Variants in FHIT observed in about 807,000 individuals in gnomAD.
FHIT encodes the protein fragile histidine triad diadenosine triphosphatase, also known as bis(5'-adenosyl)-triphosphatase.
Under a neutral mutation model 17.9 loss-of-function variants are expected in FHIT, and 19 were observed. The ratio of observed to expected loss-of-function variants is 1.06; its 90% CI spans 0.74 to 1.56. The LOEUF is 1.56. Ranked by LOEUF, FHIT falls within the 40% of genes most tolerant of loss-of-function variation. FHIT has a pLI of 0.00. For synonymous variants in FHIT, 81 were observed against 69.7 expected (o/e 1.16, Z -0.81); for missense variants, 248 against 189.2 (o/e 1.31, Z -1.82).
chr3:60,161,629 C>T (rs978081446), intron 5 of FHIT, among the ~76,000 whole-genome samples: 2 of 151,990 alleles, frequency 1.3e-5, no homozygotes, highest in African/African-American at 4.8e-5. Flanking sequence ...AGAAGGTATG[C>T]TGCACATGGA....
intron 3 of FHIT, among the ~76,000 whole-genome samples, chr3:60,854,582 C>G (rs1351764371): frequency 7.4e-6 from 1 of 134,600 alleles, no homozygotes; most frequent in African/African-American, 2.8e-5. Flanking sequence ...CCTCTGCTGT[C>G]CTTCAGTGAG....
chr3:60,958,208 T>C (rs1227171423), intron 3 of FHIT, among the ~76,000 whole-genome samples: 1 of 152,216 alleles, frequency 6.6e-6, no homozygotes, highest in Non-Finnish European at 1.5e-5. Flanking sequence ...TACGCATAGA[T>C]TTTCTCAATA....
intron 4 of FHIT, among the ~76,000 whole-genome samples, chr3:60,689,451 AAGT>A (rs1199622165): frequency 5.9e-5 from 9 of 152,150 alleles, no homozygotes; most frequent in African/African-American, 2.2e-4. Flanking sequence ...AGATAATTTA[AAGT>A]AGTCTGTAGG....
At chr3:61,073,418 A>C (rs1038501876) in intron 2 of FHIT, among the ~76,000 whole-genome samples, 3 of 152,212 alleles carry the variant, frequency 2.0e-5, no homozygotes, top group Non-Finnish European at 4.4e-5. Context: ...CCCAGGCTGA[A>C]CAACCTCCTC....
At chr3:60,472,612 G>A (rs528673888) in intron 5 of FHIT, among the ~76,000 whole-genome samples, 7 of 152,118 alleles carry the variant, frequency 4.6e-5, no homozygotes, top group East Asian at 1.9e-4. Flanking sequence ...CTCATGATCC[G>A]CCCGTCTCGG....
intron 5 of FHIT, among the ~76,000 whole-genome samples, chr3:60,377,403 C>T (rs193086865): frequency 6.6e-6 from 1 of 150,418 alleles, no homozygotes; most frequent in Non-Finnish European, 1.5e-5. Context: ...GTGATCCTCC[C>T]GCCTCAGCCT....
chr3:60,872,125 G>T (rs1237128217), intron 3 of FHIT, among the ~76,000 whole-genome samples: 1 of 151,998 alleles, frequency 6.6e-6, no homozygotes, highest in African/African-American at 2.4e-5. Flanking sequence ...TGTCCCTAAG[G>T]GTGACACACT....
chr3:59,993,570 T>G (rs1559531332), intron 7 of FHIT, among the ~76,000 whole-genome samples: 1 of 151,968 alleles, frequency 6.6e-6, no homozygotes, highest in Non-Finnish European at 1.5e-5. Flanking sequence ...AGGTGTCTTC[T>G]CTCAAATGAA....
At chr3:60,454,604 T>A (rs558683135) in intron 5 of FHIT, among the ~76,000 whole-genome samples, 1 of 152,064 alleles carries the variant, frequency 6.6e-6, no homozygotes, top group Admixed American at 6.6e-5. Flanking sequence ...CAGGATGGTC[T>A]CAATCTCCTG....
At chr3:60,665,091 G>A (rs1332368332) in intron 4 of FHIT, among the ~76,000 whole-genome samples, 3 of 151,894 alleles carry the variant, frequency 2.0e-5, no homozygotes, top group African/African-American at 7.2e-5. Flanking sequence ...TGATAACTTA[G>A]AAGTGTGTTA....
intron 4 of FHIT, among the ~76,000 whole-genome samples, chr3:60,704,239 T>C (rs373354641): frequency 5.1e-4 from 78 of 152,312 alleles, no homozygotes; most frequent in African/African-American, 1.9e-3. Context: ...GAAACCTAGA[T>C]GGTTTGTCTT....
At chr3:60,878,254 A>G (rs1281170177) in intron 3 of FHIT, among the ~76,000 whole-genome samples, 3 of 151,880 alleles carry the variant, frequency 2.0e-5, no homozygotes, top group African/African-American at 7.3e-5. Context: ...GTGAACCTGT[A>G]CCCCAGGACC....
intron 4 of FHIT, among the ~76,000 whole-genome samples, chr3:60,744,046 G>A (rs1019118127): frequency 6.6e-6 from 1 of 151,994 alleles, no homozygotes; most frequent in East Asian, 1.9e-4. Context: ...AGAACCCAAG[G>A]AAGGGGGGCT....
chr3:61,238,919 G>A (rs79523355), intron 1 of FHIT, among the ~76,000 whole-genome samples: 1,595 of 152,294 alleles, frequency 0.01, 31 homozygotes, highest in African/African-American at 0.034. Context: ...TACCGCATTA[G>A]GGGGCAGAAG....
At chr3:60,163,911 G>T (rs1256226363) in intron 5 of FHIT, among the ~76,000 whole-genome samples, 1 of 152,124 alleles carries the variant, frequency 6.6e-6, no homozygotes, top group Admixed American at 6.5e-5. Flanking sequence ...TGGCTCCAGA[G>T]CACAGGATGT....
At chr3:59,956,612 G>A (rs1448422296) in intron 7 of FHIT, among the ~76,000 whole-genome samples, 3 of 152,118 alleles carry the variant, frequency 2.0e-5, no homozygotes, top group Non-Finnish European at 4.4e-5. Flanking sequence ...AGGTTACCGT[G>A]AGCCAAGATC....
chr3:61,099,744 T>C (rs1224750076), intron 2 of FHIT, among the ~76,000 whole-genome samples: 1 of 152,152 alleles, frequency 6.6e-6, no homozygotes, highest in African/African-American at 2.4e-5. Context: ...TGTATTTCGG[T>C]GGGGTCAGTG....
At chr3:60,860,501 AGG>A (rs1217336749) in intron 3 of FHIT, among the ~76,000 whole-genome samples, 2 of 95,060 alleles carry the variant, frequency 2.1e-5, no homozygotes, top group African/African-American at 8.2e-5. Flanking sequence ...CATATATATC[AGG>A]TATATATGAT....
intron 3 of FHIT, among the ~76,000 whole-genome samples, chr3:60,985,127 C>T (rs963077807): frequency 2.0e-5 from 3 of 152,110 alleles, no homozygotes; most frequent in African/African-American, 7.2e-5. Flanking sequence ...ATGAGTATGG[C>T]ATTGAAGGAC....
Sources: gnomAD v4.1 joint callset for allele counts (sites outside exome capture counted in the v4.1 genomes callset) on GRCh38, gnomAD v4.1.1 for gene constraint, MANE v1.5 for transcripts, NCBI Gene and HGNC (gene_info 2026-07-23, HGNC 2026-07-21) for gene names.